ZNF658: variants seen among roughly 807,000 people sequenced by gnomAD.
ZNF658 encodes zinc finger protein 658.
In ZNF658, 46 loss-of-function variants were observed where a neutral mutation model predicts 78.0. The ratio of observed to expected loss-of-function variants is 0.59; its 90% CI spans 0.47 to 0.75. ZNF658 has a LOEUF of 0.75. Among genes scored for constraint, ZNF658 ranks in the 30% least tolerant of loss-of-function variants. The probability of loss-of-function intolerance (pLI) is 0.00; values close to 1 mark genes in which losing one functional copy is unlikely to be tolerated. For synonymous variants in ZNF658, 279 were observed against 408.4 expected, an observed-to-expected ratio of 0.68 and a Z score of 3.82; for missense variants, 785 against 1,189.3, an observed-to-expected ratio of 0.66 and a Z score of 5.00.
At position 66,910,625 on chromosome 9, in the gene ZNF658, G is replaced by A. The variant is rs551304467; in HGVS notation, c.238+1891G>A. Among the ~76,000 whole-genome samples the A allele has an allele frequency of 8.6e-5, 13 of 152,034 alleles. No homozygotes were observed. The East Asian group carries it at 1.2e-3, about 14-fold the overall frequency. ...AGATGGAGACCATCCTGGCTAACACGGTGAAACCCTGTCTCTACTAAAAAT... is the reference window on the plus strand; with the variant it reads ...AGATGGAGACCATCCTGGCTAACACAGTGAAACCCTGTCTCTACTAAAAAT... On this transcript the variant is annotated intron_variant, in intron 4 of 4. Coordinates refer to ENST00000621410, the MANE Select transcript of ZNF658 (RefSeq NM_033160.7).
In ZNF658 at chr9:66,919,287, A is replaced by G. The variant is rs201642211; in HGVS notation, c.1721A>G (p.Tyr574Cys). 10 of 883,626 alleles carry G rather than the reference A, an allele frequency of 1.1e-5. No individual in the cohort carries two copies. The highest frequency in any genetic ancestry group is 1.7e-5 in the Non-Finnish European group (10 of 590,702). The allele number at this position is 883,626 out of a possible 1,614,324, so 54.7% of individuals were successfully genotyped here. ...HQRVHTGEKP[Y>C]ECNDCGKSFT... The stretch of plus-strand genomic sequence containing the variant: ...AGAGTTCACACAGGGGAGAAACCCT[A>G]TGAATGTAATGACTGTGGGAAATCT... Residue 574 changes from tyrosine (Y) to cysteine (C), a missense_variant, in exon 5 of 5, where the codon TAT becomes TGT. Around this residue, in one of 12 missense-constraint regions of ZNF658, gnomAD observed 1 missense variants for 74.7 expected, o/e 0.01. Coordinates refer to ENST00000621410, the MANE Select transcript of ZNF658 (RefSeq NM_033160.7).
chr9:66,922,808 GGACATACCCAT>G (rs1822548356), downstream of ZNF658, among the ~76,000 whole-genome samples: 1 of 135,760 alleles, frequency 7.4e-6, no homozygotes, highest in Admixed American at 7.9e-5. Flanking sequence ...CCAAGGTTAA[GGACATACCCAT>G]GACATAGCCT....
Position 66,917,300 on chromosome 9 carries a change from G to C in ZNF658, c.239-505G>C, listed in dbSNP as rs537781199. ...AGGAAAGGGGTTACTACTCCACCTT[G>C]ACTGGCCCCGGAAATAATACCTGTT... is the stretch of plus-strand genomic sequence containing the variant. On this transcript the variant is annotated intron_variant, in intron 4 of 4. Coordinates refer to ENST00000621410, the MANE Select transcript of ZNF658 (RefSeq NM_033160.7). 7.2e-4 allele frequency among the ~76,000 whole-genome samples: 105 copies of C among 146,814 alleles called. 2 individuals are homozygous for C. The highest frequency in any genetic ancestry group is 1.2e-3 in the Non-Finnish European group (81 of 67,138).
rs373109426 is a variant in ZNF658 at position 66,912,738 on chromosome 9, C to T, written c.238+4004C>T. On this transcript the variant is annotated intron_variant, in intron 4 of 4. Transcript: ENST00000621410. ...TTGCCCAACTCAGGGTTGCCACAAA[C>T]CTTCAGTTTGTAAAGAATGCAATAT... Among the ~76,000 whole-genome samples, 67 of 152,164 alleles carry T rather than the reference C, an allele frequency of 4.4e-4. No individual in the cohort carries two copies. In the East Asian group the frequency reaches 0.01, roughly 23 times the overall value.
At position 66,919,632 on chromosome 9, in the gene ZNF658, G is replaced by A. The variant is rs1822452230; in HGVS notation, c.2066G>A (p.Ser689Asn). ...IHTGRKPYEC[S>N]DCEKTFAHNS... ...ACAGGTAGAAAACCCTATGAATGTA[G>A]TGACTGTGAGAAAACTTTTGCCCAT... Residue 689 changes from serine (S) to asparagine (N), a missense_variant, in exon 5 of 5, where the codon AGT becomes AAT. This residue lies in a region of ZNF658 where 75 missense variants were observed against 147.1 expected (regional missense o/e 0.51). Coordinates refer to ENST00000621410, the MANE Select transcript of ZNF658 (RefSeq NM_033160.7). 1 of 1,608,728 alleles carries A rather than the reference G, an allele frequency of 6.2e-7. No individual in the cohort carries two copies. Among genetic ancestry groups the A allele is most frequent in the South Asian group, 1.1e-5 (1 of 90,824 alleles).
Position 66,930,578 on chromosome 9 carries a change from G to A in ZNF658, c.*55-1447G>A, listed in dbSNP as rs1165794027. Among the ~76,000 whole-genome samples the A allele has an allele frequency of 2.0e-5, 3 of 151,996 alleles. No homozygotes were observed. In the East Asian group the frequency reaches 5.8e-4, roughly 30 times the overall value. On this transcript the variant is annotated intron_variant and NMD_transcript_variant, in intron 6 of 6. Transcript: ENST00000622180. ...TAATCCCAGAACTTTGGGAGGCCGAGGCAACCAGATCACAAGGTCAAGAGA... is the reference window on the plus strand; with the variant it reads ...TAATCCCAGAACTTTGGGAGGCCGAAGCAACCAGATCACAAGGTCAAGAGA...
At chr9:66,903,040 A>C (rs1821989717) in intron 1 of ZNF658, 1 of 158,752 alleles carries the variant, frequency 6.3e-6, no homozygotes, top group Admixed American at 6.0e-5. Flanking sequence ...TAGTTCTTTG[A>C]CATTAGCTTT....
Position 66,902,432 on chromosome 9 carries a change from C to T in ZNF658, c.-44-1086C>T, listed in dbSNP as rs1002367613. On this transcript the variant is annotated intron_variant, in intron 1 of 4. Coordinates refer to ENST00000621410, the MANE Select transcript of ZNF658 (RefSeq NM_033160.7). ...TGCCACATCCAGAAGCCATCACAGA[C>T]CGTGTGACTTTGCTGTGGACTAACT... 9.0e-4 allele frequency among the ~76,000 whole-genome samples: 102 copies of T among 113,668 alleles called. 1 individual carries two copies. The highest frequency in any genetic ancestry group is 3.8e-4 in the Non-Finnish European group (21 of 55,088). 74.6% of individuals were successfully genotyped at this position (113,668 alleles called of 152,430 possible).
rs928440186 is a variant in ZNF658 at position 66,919,999 on chromosome 9, A to G, written c.2433A>G (p.Ala811=). 1.2e-6 allele frequency: 2 copies of G among 1,610,936 alleles called. No individual in the cohort carries two copies. Among genetic ancestry groups the G allele is most frequent in the Admixed American group, 1.7e-5 (1 of 59,882 alleles). ...GTGGGAAAACTTTTGTCTATAAGGC[A>G]GCCCTCATAGTGCATCAAAGAATTC... The part of the protein sequence containing the change: ...NVCGKTFVYK[A]ALIVHQRIHT... The change falls in exon 5 of 5, where the codon GCA becomes GCG. Residue 811 remains alanine, a synonymous_variant. Coordinates refer to ENST00000621410, the MANE Select transcript of ZNF658 (RefSeq NM_033160.7).
At position 66,918,631 on chromosome 9, in the gene ZNF658, T is replaced by C. The variant is rs1259046022; in HGVS notation, c.1065T>C (p.His355=). 1 of 1,612,580 alleles carries C rather than the reference T, an allele frequency of 6.2e-7. No homozygotes were observed. Among genetic ancestry groups the C allele is most frequent in the African/African-American group, 1.3e-5 (1 of 74,760 alleles). The part of the protein sequence containing the change: ...KTQAGDKFGE[H]NECTDALYQK... ...AAGCTGGAGATAAATTTGGTGAACATAATGAATGTACAGATGCCCTCTACC... is the reference window on the plus strand; with the variant it reads ...AAGCTGGAGATAAATTTGGTGAACACAATGAATGTACAGATGCCCTCTACC... Residue 355 remains histidine, a synonymous_variant, in exon 5 of 5, where the codon CAT becomes CAC. Coordinates refer to ENST00000621410, the MANE Select transcript of ZNF658 (RefSeq NM_033160.7).
intron 3 of ZNF658, 117 bp from the exon 4 acceptor site, chr9:66,908,522 T>C (rs1822134681): frequency 6.9e-7 from 1 of 1,451,686 alleles, no homozygotes; most frequent in Non-Finnish European, 9.2e-7. Flanking sequence ...GTCATTACTT[T>C]CCCATTAAAA....
intron 2 of ZNF658, among the ~76,000 whole-genome samples, chr9:66,905,832 T>C (rs2117958670): frequency 6.9e-6 from 1 of 145,438 alleles, no homozygotes; most frequent in Non-Finnish European, 1.5e-5. Context: ...TGACCATATG[T>C]AACATAGTTG....
chr9:66,902,025 A>T (rs1305515111), intron 1 of ZNF658, among the ~76,000 whole-genome samples: 1 of 152,224 alleles, frequency 6.6e-6, no homozygotes, highest in Non-Finnish European at 1.5e-5. Context: ...GCTTTATTTT[A>T]CTTAACTCAT....
intron 2 of ZNF658, among the ~76,000 whole-genome samples, chr9:66,904,197 A>G (rs1309168174): frequency 2.6e-5 from 4 of 151,150 alleles, no homozygotes; most frequent in Admixed American, 2.0e-4. Flanking sequence ...TTTAACGTCA[A>G]CTCTCCATGG....
At chr9:66,904,023 T>C (rs569288404) in intron 2 of ZNF658, among the ~76,000 whole-genome samples, 36 of 152,098 alleles carry the variant, frequency 2.4e-4, no homozygotes, top group Non-Finnish European at 4.9e-4. Context: ...TTCAGTACTA[T>C]TTTTCAAGTA....
Position 66,911,096 on chromosome 9 carries a change from TTAAA to T in ZNF658, c.238+2369_238+2372del, listed in dbSNP as rs945954343. On this transcript the variant is annotated intron_variant, in intron 4 of 4. Coordinates refer to ENST00000621410, the MANE Select transcript of ZNF658 (RefSeq NM_033160.7). ...GATTAAACAGTAGGTACAGTGGACA[TTAAA>T]TAAATATGCCTAGAGAGGCTATAAA... 3.5e-3 allele frequency among the ~76,000 whole-genome samples: 309 copies of T among 87,134 alleles called. 3 individuals are homozygous for T. Among genetic ancestry groups the T allele is most frequent in the African/African-American group, 0.016 (287 of 17,954 alleles). 57.2% of individuals were successfully genotyped at this position (87,134 alleles called of 152,430 possible). A position where few individuals can be genotyped will look rare whatever the true frequency, so the allele number is the denominator to read the frequency against.
At chr9:66,930,498 G>A (rs1822630683) in intron 6 of ZNF658, among the ~76,000 whole-genome samples, 1 of 149,544 alleles carries the variant, frequency 6.7e-6, no homozygotes, top group Admixed American at 6.7e-5. Context: ...TGAGCAAGAA[G>A]CTCTACAGTT....
chr9:66,918,672 C>A lies in ZNF658; in HGVS notation c.1106C>A (p.Thr369Lys), dbSNP rs554873960. 20 of 1,613,840 alleles carry A rather than the reference C, an allele frequency of 1.2e-5. No individual in the cohort carries two copies. The South Asian group carries it at 1.8e-4, about 14-fold the overall frequency. The part of the protein sequence containing the change: ...TDALYQKLDF[T>K]AHQRIHTEDK... Reference sequence around the variant, plus strand: ...GCCCTCTACCAGAAATTAGACTTTACAGCACATCAGAGAATTCACACAGAA... The same window carrying A: ...GCCCTCTACCAGAAATTAGACTTTAAAGCACATCAGAGAATTCACACAGAA... The change falls in exon 5 of 5, where the codon ACA (threonine) becomes AAA (lysine). Residue 369 changes from threonine to lysine, a missense_variant. Transcript: ENST00000621410.
At chr9:66,928,918 T>A (rs1405740700) in intron 6 of ZNF658, among the ~76,000 whole-genome samples, 1 of 146,166 alleles carries the variant, frequency 6.8e-6, no homozygotes, top group Non-Finnish European at 1.5e-5. Context: ...TGTCAAATAC[T>A]ATCACACTGT....
Sources: gnomAD v4.1 joint callset for allele counts (sites outside exome capture counted in the v4.1 genomes callset) on GRCh38, gnomAD v4.1.1 for gene constraint, gnomAD v4.1.1 regional missense constraint, MANE v1.5 for transcripts, NCBI Gene and HGNC (gene_info 2026-07-23, HGNC 2026-07-21) for gene names.